The following ASTN2 variants were observed in gnomAD, a reference collection of about 807,000 sequenced individuals.
ASTN2 encodes the protein astrotactin-2.
A neutral mutation model predicts 139.8 loss-of-function variants in ASTN2; 54 were observed. The ratio of observed to expected loss-of-function variants is 0.39; its 90% CI spans 0.31 to 0.48. ASTN2 has a LOEUF of 0.48. Ranked by LOEUF, ASTN2 falls within the 20% of genes least tolerant of loss-of-function variation. ASTN2 has a pLI of 0.95. For synonymous variants in ASTN2, 756 were observed against 719.5 expected (o/e 1.05, Z -0.81); for missense variants, 1,565 against 1,725.1 (o/e 0.91, Z 1.64).
intron 2 of ASTN2, among the ~76,000 whole-genome samples, chr9:117,226,854 A>G (rs1164128619): frequency 1.3e-5 from 2 of 152,156 alleles, no homozygotes; most frequent in Non-Finnish European, 2.9e-5. Context: ...TGCTCAGTAC[A>G]TTATTCCCTG....
chr9:117,156,285 C>A (rs907118514), intron 3 of ASTN2, among the ~76,000 whole-genome samples: 1 of 152,044 alleles, frequency 6.6e-6, no homozygotes, highest in African/African-American at 2.4e-5. Flanking sequence ...AATTTCATGA[C>A]ATTCTCTATG....
chr9:117,366,354 T>G (rs932161033), intron 1 of ASTN2, among the ~76,000 whole-genome samples: 3 of 152,042 alleles, frequency 2.0e-5, no homozygotes, highest in Non-Finnish European at 2.9e-5. Context: ...TTACCTCTAT[T>G]CTCTCCTTTG....
intron 13 of ASTN2, among the ~76,000 whole-genome samples, chr9:116,767,116 C>T (rs911835952): frequency 1.3e-5 from 2 of 151,396 alleles, no homozygotes; most frequent in South Asian, 4.2e-4. Context: ...TTATGCATAC[C>T]CAGAAATACA....
intron 16 of ASTN2, among the ~76,000 whole-genome samples, chr9:116,670,663 G>A (rs887486649): frequency 3.3e-5 from 5 of 152,116 alleles, no homozygotes; most frequent in African/African-American, 1.2e-4. Context: ...AGGAAAGCTG[G>A]CTGAAATACT....
At chr9:117,122,764 G>C (rs1287726182) in intron 4 of ASTN2, among the ~76,000 whole-genome samples, 2 of 152,116 alleles carry the variant, frequency 1.3e-5, no homozygotes, top group Non-Finnish European at 2.9e-5. Context: ...GTTTATGGAG[G>C]AGGAGGCAAA....
At chr9:116,520,033 T>C (rs189530211) in intron 19 of ASTN2, among the ~76,000 whole-genome samples, 22 of 151,804 alleles carry the variant, frequency 1.4e-4, no homozygotes, top group Non-Finnish European at 2.8e-4. Context: ...CAACAAGAAA[T>C]AGTCCAGGAC....
rs1379477117 is a variant in ASTN2, at chr9:117,017,464, A to G, written c.1424-9205T>C. Among the ~76,000 whole-genome samples the G allele has an allele frequency of 2.6e-5, 4 of 152,216 alleles. No homozygotes were observed. The East Asian group carries it at 7.7e-4, about 29-fold the overall frequency. ...AGTTGCTCAAGTAAGACACGAACTT[A>G]GATGGAAACTTTGATAGGAGTCTAA... On this transcript the variant is annotated intron_variant, in intron 6 of 22. Transcript: ENST00000313400.
chr9:116,807,192 T>C (rs1174432137), intron 12 of ASTN2, among the ~76,000 whole-genome samples: 1 of 152,200 alleles, frequency 6.6e-6, no homozygotes, highest in Non-Finnish European at 1.5e-5. Context: ...TCATTGAAGC[T>C]AACCGCAAAG....
intron 19 of ASTN2, among the ~76,000 whole-genome samples, chr9:116,495,335 T>C (rs556578343): frequency 6.6e-6 from 1 of 152,258 alleles, no homozygotes; most frequent in South Asian, 2.1e-4. Flanking sequence ...GTCTAAACAA[T>C]TTAGGTAGAG....
intron 19 of ASTN2, among the ~76,000 whole-genome samples, chr9:116,502,602 G>C (rs59062354): frequency 0.025 from 3,828 of 150,936 alleles, 142 homozygotes; most frequent in African/African-American, 0.08. Flanking sequence ...TTGGTGAGGA[G>C]AGAGAGAGAG....
chr9:116,629,095 T>C (rs1356535325), intron 17 of ASTN2, among the ~76,000 whole-genome samples: 1 of 151,778 alleles, frequency 6.6e-6, no homozygotes, highest in Non-Finnish European at 1.5e-5. Context: ...CAGCAGCTTT[T>C]ACTGTTTCCA....
At chr9:116,763,110 A>G (rs924100035) in intron 13 of ASTN2, among the ~76,000 whole-genome samples, 32 of 152,288 alleles carry the variant, frequency 2.1e-4, no homozygotes, top group African/African-American at 6.5e-4. Context: ...AGGACCCCCA[A>G]TAATCATGGC....
intron 5 of ASTN2, among the ~76,000 whole-genome samples, chr9:117,049,345 A>T (rs974340852): frequency 6.6e-6 from 1 of 152,188 alleles, no homozygotes; most frequent in Non-Finnish European, 1.5e-5. Flanking sequence ...TATATCTGGT[A>T]TTAAAATCCC....
intron 10 of ASTN2, among the ~76,000 whole-genome samples, chr9:116,925,388 T>C (rs778158905): frequency 1.5e-4 from 23 of 152,226 alleles, no homozygotes; most frequent in Non-Finnish European, 2.6e-4. Context: ...ATAGTCATTT[T>C]TCAAGTAGCT....
intron 1 of ASTN2, among the ~76,000 whole-genome samples, chr9:117,327,899 A>C (rs1587951322): frequency 6.6e-6 from 1 of 152,302 alleles, no homozygotes; most frequent in East Asian, 1.9e-4. Flanking sequence ...TTTGGCCTCA[A>C]TCATTTCAGA....
chr9:117,253,794 C>A (rs1036827248), intron 2 of ASTN2, among the ~76,000 whole-genome samples: 1 of 152,148 alleles, frequency 6.6e-6, no homozygotes, highest in Non-Finnish European at 1.5e-5. Context: ...CCTACGATAA[C>A]CTCTTGTCCT....
At chr9:116,496,784 A>G (rs1226537408) in intron 19 of ASTN2, among the ~76,000 whole-genome samples, 1 of 152,216 alleles carries the variant, frequency 6.6e-6, no homozygotes, top group Non-Finnish European at 1.5e-5. Context: ...GGAGGAGCAA[A>G]GGCACGTCTT....
At chr9:116,907,926 G>A (rs549870294) in intron 10 of ASTN2, among the ~76,000 whole-genome samples, 10 of 152,254 alleles carry the variant, frequency 6.6e-5, no homozygotes, top group East Asian at 5.8e-4. Flanking sequence ...AGGAGGCATC[G>A]TTTGGAGGCA....
chr9:116,742,019 T>A (rs1349476172), intron 13 of ASTN2, among the ~76,000 whole-genome samples: 1 of 151,426 alleles, frequency 6.6e-6, no homozygotes, highest in Non-Finnish European at 1.5e-5. Flanking sequence ...AAAATGACAA[T>A]CTCTGTCCTC....
Sources: allele counts gnomAD v4.1 joint callset (sites outside exome capture counted in the v4.1 genomes callset), GRCh38; gene constraint gnomAD v4.1.1; transcripts MANE v1.5; gene names NCBI Gene and HGNC (gene_info 2026-07-23, HGNC 2026-07-21).